ZMYND8: variants seen among roughly 807,000 people sequenced by gnomAD.
The protein encoded by ZMYND8 is zinc finger MYND-type containing 8, also known as MYND-type zinc finger-containing chromatin reader ZMYND8.
In ZMYND8, 37 loss-of-function variants were observed where a neutral mutation model predicts 140.8. The observed-to-expected ratio is 0.26, with a 90% CI of 0.20 to 0.35. The LOEUF (loss-of-function observed/expected upper bound fraction) is 0.35. Ranked by LOEUF, ZMYND8 falls within the 10% of genes least tolerant of loss-of-function variation. The probability of loss-of-function intolerance (pLI) is 1.00; values close to 1 mark genes in which losing one functional copy is unlikely to be tolerated. For missense variants in ZMYND8, 1,068 were observed against 1,570.0 expected (o/e 0.68, Z 5.40); for synonymous variants, 592 against 597.1 (o/e 0.99, Z 0.12).
At chr20:47,230,376 C>T (rs1287596211) in intron 16 of ZMYND8, among the ~76,000 whole-genome samples, 1 of 151,880 alleles carries the variant, frequency 6.6e-6, no homozygotes. Flanking sequence ...ACTGCTACCT[C>T]CGCCTCCAGG....
intron 2 of ZMYND8, among the ~76,000 whole-genome samples, chr20:47,312,771 C>CA (rs1410117647): frequency 1.4e-5 from 2 of 141,820 alleles, no homozygotes; most frequent in African/African-American, 5.3e-5. Flanking sequence ...GTCTGGGCGA[C>CA]AGAGCGAGAC....
chr20:47,239,419 A>G (rs1455942824), intron 14 of ZMYND8, among the ~76,000 whole-genome samples: 1 of 152,254 alleles, frequency 6.6e-6, no homozygotes, highest in East Asian at 1.9e-4. Context: ...GAGGCAAACA[A>G]GACCCGGCTC....
chr20:47,286,658 A>G (rs2076941306), intron 8 of ZMYND8, among the ~76,000 whole-genome samples: 1 of 152,150 alleles, frequency 6.6e-6, no homozygotes. Flanking sequence ...TTATTCTCAC[A>G]ATGAGATCTA....
intron 10 of ZMYND8, among the ~76,000 whole-genome samples, chr20:47,280,341 T>C (rs1175176435): frequency 2.0e-5 from 3 of 152,042 alleles, no homozygotes; most frequent in Non-Finnish European, 2.9e-5. Context: ...ATCAGACCCA[T>C]GCTGCTTTCT....
rs1271933038 is a variant in ZMYND8, at chr20:47,238,748, G to T, written c.2665+10C>A. Reference sequence around the variant, plus strand: ...GGGCGCCACGGAGAACAGAAGGGGAGGCTCGGTACCTTTCACAGCCTGTCT... The same window carrying T: ...GGGCGCCACGGAGAACAGAAGGGGATGCTCGGTACCTTTCACAGCCTGTCT... On this transcript the variant is annotated intron_variant, in intron 15 of 22. Transcript: ENST00000471951. 3.7e-6 allele frequency: 6 copies of T among 1,605,880 alleles called. No individual in the cohort carries two copies. Among genetic ancestry groups the T allele is most frequent in the Non-Finnish European group, 5.1e-6 (6 of 1,176,616 alleles).
chr20:47,295,764 G>A (rs2077598054), intron 4 of ZMYND8, among the ~76,000 whole-genome samples: 1 of 152,144 alleles, frequency 6.6e-6, no homozygotes, highest in South Asian at 2.1e-4. Context: ...GAGACCCAAA[G>A]GAACGTCTGA....
At chr20:47,273,949 A>G (rs147104106) in intron 11 of ZMYND8, among the ~76,000 whole-genome samples, 167 of 152,354 alleles carry the variant, frequency 1.1e-3, no homozygotes, top group African/African-American at 3.8e-3. Flanking sequence ...TGGCTAATTC[A>G]TGATTAGTAA....
In ZMYND8 at chr20:47,210,191, C is replaced by T. The variant is rs1031518577; in HGVS notation, c.*570G>A. On this transcript the variant is annotated 3_prime_UTR_variant, in exon 23 of 23. Transcript: ENST00000471951. ...TAACGTAGTAGCTGAAAGGAGCCAA[C>T]GGCTTGATGGGATAGTCTGTGCCGA... 5 of 152,862 alleles carry T rather than the reference C, an allele frequency of 3.3e-5. No homozygotes were observed. The highest frequency in any genetic ancestry group is 3.8e-4 in the East Asian group (2 of 5,254). The allele number at this position is 152,862 out of a possible 1,614,324, so 9.5% of individuals were successfully genotyped here. A position where few individuals can be genotyped will look rare whatever the true frequency, so the allele number is the denominator to read the frequency against.
intron 2 of ZMYND8, among the ~76,000 whole-genome samples, chr20:47,343,012 G>A (rs576151712): frequency 6.6e-6 from 1 of 152,280 alleles, no homozygotes; most frequent in East Asian, 1.9e-4. Flanking sequence ...GGGCATGGTG[G>A]TTCACACCTG....
intron 2 of ZMYND8, among the ~76,000 whole-genome samples, chr20:47,344,963 T>G (rs2082218901): frequency 6.6e-6 from 1 of 151,926 alleles, no homozygotes; most frequent in African/African-American, 2.4e-5. Context: ...AAAAAAATTT[T>G]TTTAATTAGC....
intron 2 of ZMYND8, among the ~76,000 whole-genome samples, chr20:47,337,693 C>T (rs375312208): frequency 2.0e-5 from 3 of 152,058 alleles, no homozygotes; most frequent in African/African-American, 7.2e-5. Flanking sequence ...ATATTAGCCA[C>T]GCAAACACAC....
intron 8 of ZMYND8, among the ~76,000 whole-genome samples, chr20:47,283,933 T>G (rs533764238): frequency 6.6e-6 from 1 of 152,080 alleles, no homozygotes; most frequent in South Asian, 2.1e-4. Flanking sequence ...CCACCATTTT[T>G]TTTTTTTCCT....
At chr20:47,232,898 T>G (rs889246914) in intron 16 of ZMYND8, among the ~76,000 whole-genome samples, 19 of 46,810 alleles carry the variant, frequency 4.1e-4, no homozygotes, top group African/African-American at 2.8e-3. Context: ...TTTTTTTTTG[T>G]TTTTTTTGTT....
intron 14 of ZMYND8, among the ~76,000 whole-genome samples, chr20:47,239,817 T>C (rs73302099): frequency 0.055 from 8,443 of 152,274 alleles, 781 homozygotes; most frequent in African/African-American, 0.19. Flanking sequence ...ATTGCTTTGG[T>C]TTTGATTGGA....
At chr20:47,300,440 T>C (rs1057377514) in intron 3 of ZMYND8, among the ~76,000 whole-genome samples, 1 of 152,226 alleles carries the variant, frequency 6.6e-6, no homozygotes, top group Admixed American at 6.5e-5. Flanking sequence ...GGTGAGATCC[T>C]GCATACTTTT....
At position 47,227,291 on chromosome 20, in the gene ZMYND8, G is replaced by A; in HGVS notation, c.2938-10C>T. The A allele has an allele frequency of 6.2e-7, 1 of 1,614,070 alleles. No homozygotes were observed. The highest frequency in any genetic ancestry group is 8.5e-7 in the Non-Finnish European group (1 of 1,179,972). ...TCCTCAGCCTGCGAATCTGGAAGAG[G>A]GAGAGTGAGCGTCTTCAAAAGCTGT... On this transcript the variant is annotated splice_polypyrimidine_tract_variant and intron_variant, in intron 17 of 22. Transcript: ENST00000471951.
chr20:47,248,319 G>C (rs1391466571), intron 13 of ZMYND8, among the ~76,000 whole-genome samples: 3 of 152,200 alleles, frequency 2.0e-5, no homozygotes, highest in Non-Finnish European at 2.9e-5. Flanking sequence ...TGCATGGAAG[G>C]ACCCAAGAGG....
chr20:47,318,582 C>T (rs544126980), intron 2 of ZMYND8: 2 of 380,980 alleles, frequency 5.2e-6, no homozygotes, highest in Admixed American at 6.6e-5. Flanking sequence ...ATGCCTAAGC[C>T]AGGAGGAACT....
rs189233658 is a variant in ZMYND8 at position 47,345,348 on chromosome 20, T to G, written c.85+2508A>C. ...GGAGGCCAAGGAGCTCAAGTGAAGT[T>G]GGGGGAGAAATGGCACAAGGTGAAC... is the stretch of plus-strand genomic sequence containing the variant. On this transcript the variant is annotated intron_variant, in intron 2 of 22. Coordinates refer to ENST00000471951, the MANE Select transcript of ZMYND8 (RefSeq NM_001281775.3). Among the ~76,000 whole-genome samples the G allele has an allele frequency of 5.1e-3, 777 of 151,662 alleles. 6 individuals are homozygous for G. Among genetic ancestry groups the G allele is most frequent in the African/African-American group, 0.018 (741 of 41,338 alleles).
Sources: gnomAD v4.1 joint callset for allele counts (sites outside exome capture counted in the v4.1 genomes callset) on GRCh38, gnomAD v4.1.1 for gene constraint, MANE v1.5 for transcripts, NCBI Gene and HGNC (gene_info 2026-07-23, HGNC 2026-07-21) for gene names.